Variants in DYNC2H1 observed in about 807,000 individuals in gnomAD.
DYNC2H1 encodes cytoplasmic dynein 2 heavy chain 1.
Under a neutral mutation model 570.0 loss-of-function variants are expected in DYNC2H1, and 410 were observed. The observed-to-expected ratio is 0.72, with a 90% CI of 0.66 to 0.78. The LOEUF (loss-of-function observed/expected upper bound fraction) is 0.78, where lower values mean the gene tolerates loss of function less well. Among genes scored for constraint, DYNC2H1 ranks in the 30% least tolerant of loss-of-function variants. The pLI is 0.00. For missense variants in DYNC2H1, 4,865 were observed against 5,046.4 expected (o/e 0.96, Z 1.09); for synonymous variants, 1,688 against 1,677.6 (o/e 1.01, Z -0.15).
chr11:103,332,660 C>T (rs1938880149), intron 82 of DYNC2H1, among the ~76,000 whole-genome samples: 1 of 152,110 alleles, frequency 6.6e-6, no homozygotes, highest in Non-Finnish European at 1.5e-5. Flanking sequence ...CATGAAAAAA[C>T]TGGAAACCAC....
intron 83 of DYNC2H1, among the ~76,000 whole-genome samples, chr11:103,396,164 A>G (rs11225764): frequency 0.053 from 8,028 of 152,236 alleles, 261 homozygotes; most frequent in Non-Finnish European, 0.076. Flanking sequence ...TACATTTTAC[A>G]TCTTATGAAT....
At chr11:103,371,952 T>TTTG (rs1491410546) in intron 83 of DYNC2H1, among the ~76,000 whole-genome samples, 1 of 110,456 alleles carries the variant, frequency 9.1e-6, no homozygotes, top group African/African-American at 3.0e-5. Context: ...TTTTTTTTTT[T>TTTG]GTCTTGCCTA....
At chr11:103,474,593 G>T (rs532290468) in intron 88 of DYNC2H1, among the ~76,000 whole-genome samples, 32 of 152,168 alleles carry the variant, frequency 2.1e-4, no homozygotes, top group African/African-American at 7.0e-4. Context: ...TGCAATTTCA[G>T]TTACCCACAG....
intron 63 of DYNC2H1, among the ~76,000 whole-genome samples, chr11:103,242,888 T>G (rs1864471448): frequency 6.6e-6 from 1 of 152,038 alleles, no homozygotes; most frequent in Non-Finnish European, 1.5e-5. Context: ...GCCTGGCTAA[T>G]TTTTGTATTT....
chr11:103,222,957 T>C lies in DYNC2H1; in HGVS notation c.9232-8T>C, dbSNP rs909194619. ...AGGATGTTGAATCACTTCTCATGGATTTTTCAGAATGCTAAGCGTGCCAGT... is the reference window on the plus strand; with the variant it reads ...AGGATGTTGAATCACTTCTCATGGACTTTTCAGAATGCTAAGCGTGCCAGT... On this transcript the variant is annotated splice_polypyrimidine_tract_variant and splice_region_variant and intron_variant, in intron 58 of 88. Transcript: ENST00000375735. 5 of 1,612,246 alleles carry C rather than the reference T, an allele frequency of 3.1e-6. No homozygotes were observed. The African/African-American group carries it at 6.7e-5, about 22-fold the overall frequency.
Position 103,245,680 on chromosome 11 carries a change from C to G in DYNC2H1, c.10042+306C>G, listed in dbSNP as rs187432284. ...TGTAGCATAAACCATATTGTTTGTA[C>G]AAACAGTTTAGGCACAGTGAGCCAC... On this transcript the variant is annotated intron_variant, in intron 65 of 88. Transcript: ENST00000375735. This position sits in a 1 kb window ranked among gnomAD's most constrained non-coding sequence, Gnocchi z 4.5. Among the ~76,000 whole-genome samples, 733 of 152,148 alleles carry G rather than the reference C, an allele frequency of 4.8e-3. 3 individuals are homozygous for G. The highest frequency in any genetic ancestry group is 8.5e-3 in the Non-Finnish European group (576 of 67,954).
chr11:103,263,428 A>G (rs12280745), intron 70 of DYNC2H1, among the ~76,000 whole-genome samples: 28,546 of 152,034 alleles, frequency 0.19, 3,570 homozygotes, highest in African/African-American at 0.36. Flanking sequence ...GCACCACATC[A>G]CACTTATTCT....
chr11:103,361,209 T>G (rs1345098027), intron 83 of DYNC2H1, among the ~76,000 whole-genome samples: 2 of 152,166 alleles, frequency 1.3e-5, no homozygotes, highest in African/African-American at 4.8e-5. Flanking sequence ...ATGGGGTCTT[T>G]GGGAGGTATG....
intron 70 of DYNC2H1, among the ~76,000 whole-genome samples, chr11:103,269,838 A>G (rs1865634768): frequency 6.6e-6 from 1 of 152,156 alleles, no homozygotes; most frequent in African/African-American, 2.4e-5. Flanking sequence ...ATAATTTAGA[A>G]TAGGTACAAA....
At position 103,190,698 on chromosome 11, in the gene DYNC2H1, G is replaced by A. The variant is rs1212382369; in HGVS notation, c.7438-819G>A. 8.5e-5 allele frequency among the ~76,000 whole-genome samples: 13 copies of A among 152,202 alleles called. No homozygotes were observed. The East Asian group carries it at 2.5e-3, about 29-fold the overall frequency. ...AAATTCCTTTTTTTAAAAAAATAAA[G>A]ATGTTAAGTAATCAAGATCAGAATA... On this transcript the variant is annotated intron_variant, in intron 45 of 88. Transcript: ENST00000375735.
In DYNC2H1 at chr11:103,324,003, A is replaced by G. The variant is rs930674784; in HGVS notation, c.12039+13A>G. 36 of 1,573,864 alleles carry G rather than the reference A, an allele frequency of 2.3e-5. No homozygotes were observed. Among genetic ancestry groups the G allele is most frequent in the Non-Finnish European group, 3.0e-5 (35 of 1,163,020 alleles). ...GATCAGTTCTCAGGTAACCTAAAAA[A>G]AAGATCTACCTTCAAAAAAAGTTGC... On this transcript the variant is annotated intron_variant, in intron 82 of 88. Transcript: ENST00000375735. The surrounding 1 kb of genome is among the most constrained non-coding windows in gnomAD (Gnocchi z 5.2).
intron 50 of DYNC2H1, among the ~76,000 whole-genome samples, chr11:103,202,682 G>A (rs17100070): frequency 0.064 from 9,665 of 152,158 alleles, 1,049 homozygotes; most frequent in African/African-American, 0.22. Flanking sequence ...ATCAGACTGT[G>A]ATGGGCCTTA....
Position 103,259,976 on chromosome 11 carries a change from AG to A in DYNC2H1, c.10695+1del. 6.9e-7 allele frequency: 1 copy of A among 1,458,488 alleles called. No homozygotes were observed. The highest frequency in any genetic ancestry group is 9.2e-7 in the Non-Finnish European group (1 of 1,090,350). 90.3% of individuals were successfully genotyped at this position (1,458,488 alleles called of 1,614,324 possible). A position where few individuals can be genotyped will look rare whatever the true frequency, so the allele number is the denominator to read the frequency against. ...VYEYICRCLF[K>X]ADQLMFALHF... ...GAATATATATGTCGTTGTCTATTTAAGGTAAGAAGCATCATATTTTTCAAAT... is the reference window on the plus strand; with the variant it reads ...GAATATATATGTCGTTGTCTATTTAAGTAAGAAGCATCATATTTTTCAAAT... On this transcript the variant is annotated frameshift_variant and splice_region_variant, in exon 70 of 89. Coordinates refer to ENST00000375735, the MANE Select transcript of DYNC2H1 (RefSeq NM_001377.3). LOFTEE classifies it high-confidence loss of function.
intron 83 of DYNC2H1, among the ~76,000 whole-genome samples, chr11:103,392,140 G>A (rs61896844): frequency 0.18 from 27,775 of 152,188 alleles, 2,729 homozygotes; most frequent in Admixed American, 0.26. Flanking sequence ...AGCTGCGGTG[G>A]ACTCCACCCA....
rs1591489277 is a variant in DYNC2H1, at chr11:103,261,343, C to T, written c.10695+1366C>T. On this transcript the variant is annotated intron_variant, in intron 70 of 88. Coordinates refer to ENST00000375735, the MANE Select transcript of DYNC2H1 (RefSeq NM_001377.3). The surrounding 1 kb of genome is among the most constrained non-coding windows in gnomAD (Gnocchi z 4.8). ...GGATCTCCAACACAGAGCTTGAGCT[C>T]TGCTAAGGGACAGATTGCCTTCTCA... Among the ~76,000 whole-genome samples, 1 of 152,218 alleles carries T rather than the reference C, an allele frequency of 6.6e-6. No individual in the cohort carries two copies. Among genetic ancestry groups the T allele is most frequent in the African/African-American group, 2.4e-5 (1 of 41,462 alleles).
At chr11:103,235,161 A>G (rs1864173269) in intron 61 of DYNC2H1, among the ~76,000 whole-genome samples, 1 of 151,912 alleles carries the variant, frequency 6.6e-6, no homozygotes, top group Admixed American at 6.6e-5. Flanking sequence ...CTCACGTCAC[A>G]GTTTAAAATA....
At chr11:103,198,814 C>A (rs11225601) in intron 48 of DYNC2H1, among the ~76,000 whole-genome samples, 2 of 152,008 alleles carry the variant, frequency 1.3e-5, no homozygotes, top group Non-Finnish European at 2.9e-5. Flanking sequence ...CCAAGCAATG[C>A]GAAAGAACAA....
chr11:103,403,542 T>C (rs1942729418), intron 84 of DYNC2H1: 1 of 152,082 alleles, frequency 6.6e-6, no homozygotes, highest in African/African-American at 2.4e-5. Context: ...AGGGAATTGA[T>C]TCTAGGACAA....
At chr11:103,431,555 A>C (rs1686731045) in intron 84 of DYNC2H1, among the ~76,000 whole-genome samples, 1 of 152,140 alleles carries the variant, frequency 6.6e-6, no homozygotes, top group South Asian at 2.1e-4. Context: ...GCAGTTTTGG[A>C]CCATGAATTT....
Sources: gnomAD v4.1 joint callset for allele counts (sites outside exome capture counted in the v4.1 genomes callset) on GRCh38, gnomAD v4.1.1 for gene constraint, Gnocchi (gnomAD v3.1) non-coding constraint, MANE v1.5 for transcripts, NCBI Gene and HGNC (gene_info 2026-07-23, HGNC 2026-07-21) for gene names.